ACOX1: variants seen among roughly 807,000 people sequenced by gnomAD.
ACOX1 encodes the protein acyl-CoA oxidase 1.
A neutral mutation model predicts 75.5 loss-of-function variants in ACOX1; 41 were observed. That is an observed-to-expected ratio of 0.54 (90% CI 0.42 to 0.70). The LOEUF is 0.70. Among genes scored for constraint, ACOX1 ranks in the 30% least tolerant of loss-of-function variants. The probability of loss-of-function intolerance (pLI) is 0.00; values close to 1 mark genes in which losing one functional copy is unlikely to be tolerated. For synonymous variants in ACOX1, 303 were observed against 298.8 expected, an observed-to-expected ratio of 1.01 and a Z score of -0.15; for missense variants, 630 against 837.5, an observed-to-expected ratio of 0.75 and a Z score of 3.06.
Position 75,978,742 on chromosome 17 carries a change from C to T in ACOX1, c.110-49G>A, listed in dbSNP as rs767457356. On this transcript the variant is annotated intron_variant, in intron 1 of 13. Transcript: ENST00000293217. This position sits in a 1 kb window ranked among gnomAD's most constrained non-coding sequence, Gnocchi z 4.2. ...AAAAGGCAGACAGACACTCGGGCCT[C>T]CGTTCCACCCTCCCTGAATCACAAT... 2 of 1,612,364 alleles carry T rather than the reference C, an allele frequency of 1.2e-6. No individual in the cohort carries two copies. The highest frequency in any genetic ancestry group is 1.7e-5 in the Admixed American group (1 of 60,014).
rs567009624 is a variant in ACOX1 at position 75,978,357 on chromosome 17, T to C, written c.269+177A>G. 6.6e-5 allele frequency: 47 copies of C among 717,390 alleles called. No homozygotes were observed. In the African/African-American group the frequency reaches 7.9e-4, roughly 12 times the overall value. The allele number at this position is 717,390 out of a possible 1,614,324, so 44.4% of individuals were successfully genotyped here. A position where few individuals can be genotyped will look rare whatever the true frequency, so the allele number is the denominator to read the frequency against. ...ATCCGCCCGCCTCGGCCTCCCAAAG[T>C]GCTGGGATTACAGGCGTGAGCCACC... On this transcript the variant is annotated intron_variant, in intron 2 of 13. Transcript: ENST00000293217. This position sits in a 1 kb window ranked among gnomAD's most constrained non-coding sequence, Gnocchi z 4.2.
intron 3 of ACOX1, among the ~76,000 whole-genome samples, chr17:75,958,725 G>A (rs548084207): frequency 7.3e-5 from 11 of 150,538 alleles, no homozygotes; most frequent in East Asian, 2.0e-4. Flanking sequence ...GGAGAATGGC[G>A]TGAACCCGGA....
chr17:75,959,118 A>G (rs1183485948), intron 3 of ACOX1, among the ~76,000 whole-genome samples: 1 of 152,200 alleles, frequency 6.6e-6, no homozygotes, highest in Non-Finnish European at 1.5e-5. Context: ...ACTAAAGCAA[A>G]CGTTGGGAAC....
rs1229867011 is a variant in ACOX1, at chr17:75,957,006, T to TACAC, written c.538+452_538+453insGTGT. Among the ~76,000 whole-genome samples the TACAC allele has an allele frequency of 4.4e-3, 470 of 105,618 alleles. 16 individuals carry two copies. The highest frequency in any genetic ancestry group is 7.9e-3 in the African/African-American group (208 of 26,224). 69.3% of individuals were successfully genotyped at this position (105,618 alleles called of 152,430 possible). A position where few individuals can be genotyped will look rare whatever the true frequency, so the allele number is the denominator to read the frequency against. ...ATATATATATATATATATATATATA[T>TACAC]ATACACACACACACCTCTCTCTGTC... On this transcript the variant is annotated intron_variant, in intron 4 of 13. Coordinates refer to ENST00000293217, the MANE Select transcript of ACOX1 (RefSeq NM_004035.7).
chr17:75,948,392 C>A lies in ACOX1; in HGVS notation c.1794G>T (p.Leu598=), dbSNP rs79605652. The change falls in exon 13 of 14, where the codon CTG becomes CTT. Residue 598 remains leucine (L), a synonymous_variant. Transcript: ENST00000293217. ...VNQRVKELLT[L]IRSDAVALVD... is the part of the protein sequence containing the mutation. Reference sequence around the variant, plus strand: ...CCAAAGCAACAGCATCTGAGCGAATCAGAGTGAGTAACTCCTTTACACGCT... The same window carrying A: ...CCAAAGCAACAGCATCTGAGCGAATAAGAGTGAGTAACTCCTTTACACGCT... The A allele has an allele frequency of 1.0e-3, 1,689 of 1,614,148 alleles. 12 individuals are homozygous for A. In the African/African-American group the frequency reaches 0.019, roughly 18 times the overall value.
chr17:75,949,416 A>G, intron 11 of ACOX1, 56 bp from the exon 12 acceptor site: 2 of 1,612,844 alleles, frequency 1.2e-6, no homozygotes, highest in Non-Finnish European at 8.5e-7. Context: ...GATTCAATAT[A>G]CAGTGACTAG....
Position 75,949,861 on chromosome 17 carries a change from T to A in ACOX1, c.1335A>T (p.Gly445=), listed in dbSNP as rs181362417. 3.7e-6 allele frequency: 6 copies of A among 1,614,234 alleles called. No homozygotes were observed. The African/African-American group carries it at 8.0e-5, about 22-fold the overall frequency. Residue 445 remains glycine, a synonymous_variant, in exon 10 of 14, where the codon GGA becomes GGT. Coordinates refer to ENST00000293217, the MANE Select transcript of ACOX1 (RefSeq NM_004035.7). Reference sequence around the variant, plus strand: ...AGGACACCATGCCACACACCAACTTTCCTGAGTGCACCTGATCATAACTTT... The same window carrying A: ...AGGACACCATGCCACACACCAACTTACCTGAGTGCACCTGATCATAACTTT... ...LMKSYDQVHS[G]KLVCGMVSYL...
chr17:75,967,392 C>T (rs1386237716), intron 2 of ACOX1, among the ~76,000 whole-genome samples: 1 of 150,180 alleles, frequency 6.7e-6, no homozygotes, highest in Non-Finnish European at 1.5e-5. Flanking sequence ...TGGCTTTGAA[C>T]CCAGGAGGCA....
At position 75,944,437 on chromosome 17, in the gene ACOX1, G is replaced by A. The variant is rs2065701661; in HGVS notation, c.*2311C>T. On this transcript the variant is annotated 3_prime_UTR_variant, in exon 14 of 14. Transcript: ENST00000293217. The stretch of plus-strand genomic sequence containing the variant: ...ACAAATGTGTACCAAGTACTTCCAA[G>A]GACTCCTAAAGTGACTGGAGCCACT... 6.6e-6 allele frequency: 1 copy of A among 152,086 alleles called. No homozygotes were observed. The highest frequency in any genetic ancestry group is 6.6e-5 in the Admixed American group (1 of 15,244). 9.4% of individuals were successfully genotyped at this position (152,086 alleles called of 1,614,324 possible).
rs375063182 is a variant in ACOX1 at position 75,976,407 on chromosome 17, A to AAC, written c.269+2125_269+2126dup. 5.7e-4 allele frequency among the ~76,000 whole-genome samples: 86 copies of AAC among 151,578 alleles called. 2 individuals are homozygous for AAC. The highest frequency in any genetic ancestry group is 1.3e-3 in the Admixed American group (20 of 15,178). On this transcript the variant is annotated intron_variant, in intron 2 of 13. Coordinates refer to ENST00000293217, the MANE Select transcript of ACOX1 (RefSeq NM_004035.7). ...TGAAATGCACTGCACCACCCATTCA[A>AAC]ACACACACACACACACTCAACCCAC...
Position 75,952,420 on chromosome 17 carries a change from G to T in ACOX1, c.945-843C>A, listed in dbSNP as rs146454361. Reference sequence around the variant, plus strand: ...AGTGATTCTCCTGCCTCAGTCTCCCGAGTAGCTGGAATTACAGGCACCCGC... The same window carrying T: ...AGTGATTCTCCTGCCTCAGTCTCCCTAGTAGCTGGAATTACAGGCACCCGC... On this transcript the variant is annotated intron_variant, in intron 7 of 13. Coordinates refer to ENST00000293217, the MANE Select transcript of ACOX1 (RefSeq NM_004035.7). Among the ~76,000 whole-genome samples, 863 of 151,428 alleles carry T rather than the reference G, an allele frequency of 5.7e-3. 11 individuals are homozygous for T. The highest frequency in any genetic ancestry group is 0.02 in the African/African-American group (807 of 41,322).
At chr17:75,971,293 A>G (rs1374116541) in intron 2 of ACOX1, among the ~76,000 whole-genome samples, 1 of 135,464 alleles carries the variant, frequency 7.4e-6, no homozygotes, top group East Asian at 2.4e-4. Context: ...CTCTGTCTCA[A>G]AAAAAAAAAA....
intron 4 of ACOX1, among the ~76,000 whole-genome samples, chr17:75,956,894 C>T (rs928705791): frequency 4.0e-5 from 5 of 124,322 alleles, no homozygotes; most frequent in Admixed American, 9.0e-5. Context: ...AGGTATGTGC[C>T]GCTATGCCTG....
intron 2 of ACOX1, among the ~76,000 whole-genome samples, chr17:75,970,822 T>G (rs2065987183): frequency 6.6e-6 from 1 of 152,220 alleles, no homozygotes. Flanking sequence ...CCATATAAGA[T>G]AAAACCGTCA....
chr17:75,949,932 CTACTT>C (rs768860206), intron 9 of ACOX1, 35 bp from the exon 10 acceptor site: 2 of 1,611,430 alleles, frequency 1.2e-6, no homozygotes, highest in South Asian at 1.1e-5. Flanking sequence ...TTTAGTAACT[CTACTT>C]TCTTTTGTTT....
chr17:75,959,186 T>C (rs1006695142), intron 3 of ACOX1, among the ~76,000 whole-genome samples: 1 of 152,212 alleles, frequency 6.6e-6, no homozygotes, highest in Non-Finnish European at 1.5e-5. Flanking sequence ...TTGAAACATT[T>C]AGAAGCTTCC....
chr17:75,974,147 T>A (rs1398168202), intron 2 of ACOX1, among the ~76,000 whole-genome samples: 1 of 123,910 alleles, frequency 8.1e-6, no homozygotes, highest in Non-Finnish European at 1.8e-5. Context: ...ATGTGTGTGG[T>A]TTTTTTTTTT....
At position 75,949,573 on chromosome 17, in the gene ACOX1, A is replaced by C. The variant is rs572144497; in HGVS notation, c.1506T>G (p.Leu502=). 1 of 1,614,200 alleles carries C rather than the reference A, an allele frequency of 6.2e-7. No homozygotes were observed. The highest frequency in any genetic ancestry group is 8.5e-7 in the Non-Finnish European group (1 of 1,180,030). The change falls in exon 11 of 14, where the codon CTT becomes CTG. Residue 502 remains leucine (L), a synonymous_variant. Coordinates refer to ENST00000293217, the MANE Select transcript of ACOX1 (RefSeq NM_004035.7). ...ARLVEIAAKN[L]QKEVIHRKSK... is the part of the protein sequence containing the mutation. The stretch of plus-strand genomic sequence containing the variant: ...TTTTTCTGTGAATCACTTCTTTTTG[A>C]AGGTTTTTTGCAGCAATTTCTACTA...
At position 75,948,376 on chromosome 17, in the gene ACOX1, C is replaced by T. The variant is rs35105560; in HGVS notation, c.1810G>A (p.Val604Ile). 3 of 1,614,050 alleles carry T rather than the reference C, an allele frequency of 1.9e-6. No homozygotes were observed. The highest frequency in any genetic ancestry group is 2.2e-5 in the South Asian group (2 of 91,092). The stretch of plus-strand genomic sequence containing the variant: ...AAATCAAATGCATCAACCAAAGCAA[C>T]AGCATCTGAGCGAATCAGAGTGAGT... ...ELLTLIRSDA[V>I]ALVDAFDFQD... Residue 604 changes from valine to isoleucine, a missense_variant, in exon 13 of 14, where the codon GTT becomes ATT. By Grantham distance (29) the Val-to-Ile change is conservative (BLOSUM62 3). This residue lies in a region of ACOX1 where 240 missense variants were observed against 262.7 expected (regional missense o/e 0.91). Transcript: ENST00000293217.
Sources: allele counts gnomAD v4.1 joint callset (sites outside exome capture counted in the v4.1 genomes callset), GRCh38; gene constraint gnomAD v4.1.1; regional missense constraint gnomAD v4.1.1; non-coding constraint Gnocchi (gnomAD v3.1); transcripts MANE v1.5; gene names NCBI Gene and HGNC (gene_info 2026-07-23, HGNC 2026-07-21).